ATG2B: variants seen among roughly 807,000 people sequenced by gnomAD.
The protein encoded by ATG2B is autophagy related 2B.
In ATG2B, 121 loss-of-function variants were observed where a neutral mutation model predicts 241.3. The observed-to-expected ratio is 0.50, with a 90% confidence interval of 0.43 to 0.58. The LOEUF is 0.58. ATG2B is among the 20% of genes least tolerant of loss of function. ATG2B has a pLI of 0.00. For missense variants in ATG2B, 2,306 were observed against 2,491.6 expected (o/e 0.93, Z 1.59); for synonymous variants, 858 against 876.6 (o/e 0.98, Z 0.37).
chr14:96,330,172 A>C (rs2139879202), intron 11 of ATG2B, among the ~76,000 whole-genome samples: 1 of 152,058 alleles, frequency 6.6e-6, no homozygotes, highest in African/African-American at 2.4e-5. Flanking sequence ...CAGTATGGTG[A>C]AACCCCATCT....
Position 96,315,217 on chromosome 14 carries a change from T to G in ATG2B, c.3579A>C (p.Val1193=). 6.2e-7 allele frequency: 1 copy of G among 1,614,054 alleles called. No individual in the cohort carries two copies. ...ESNTKEFLIA[V]GLKGATLQHR... Reference sequence around the variant, plus strand: ...GCTGGAGAGTGGCTCCTTTCAGTCCTACGGCAATGAGAAATTCCTATACAG... The same window carrying G: ...GCTGGAGAGTGGCTCCTTTCAGTCCGACGGCAATGAGAAATTCCTATACAG... Residue 1193 remains valine, a synonymous_variant, in exon 23 of 42, where the codon GTA becomes GTC. Transcript: ENST00000359933.
At chr14:96,340,146 TGAATATATATA>T (rs1236295693) in intron 6 of ATG2B, among the ~76,000 whole-genome samples, 1 of 73,914 alleles carries the variant, frequency 1.4e-5, no homozygotes, top group Non-Finnish European at 4.0e-5. Context: ...ATGATATATA[TGAATATATATA>T]TCATATATGA....
chr14:96,317,175 A>G lies in ATG2B; in HGVS notation c.3180T>C (p.His1060=), dbSNP rs1887337514. 6.2e-7 allele frequency: 1 copy of G among 1,612,618 alleles called. No homozygotes were observed. Among genetic ancestry groups the G allele is most frequent in the Admixed American group, 1.7e-5 (1 of 59,890 alleles). ...SFLSVLLNIN[H]GLIAVFTDVK... ...CATCTGTGAACACTGCTATTAATCC[A>G]TGATTAATATTCAGAAGAACTGAGA... Residue 1060 remains histidine, a synonymous_variant, in exon 20 of 42, where the codon CAT becomes CAC. Coordinates refer to ENST00000359933, the MANE Select transcript of ATG2B (RefSeq NM_018036.7).
rs1410333580 is a variant in ATG2B at position 96,285,739 on chromosome 14, T to C, written c.*16A>G. The C allele has an allele frequency of 6.2e-7, 1 of 1,611,582 alleles. No individual in the cohort carries two copies. Among genetic ancestry groups the C allele is most frequent in the Non-Finnish European group, 8.5e-7 (1 of 1,178,452 alleles). On this transcript the variant is annotated 3_prime_UTR_variant, in exon 42 of 42. Transcript: ENST00000359933. This position sits in a 1 kb window ranked among gnomAD's most constrained non-coding sequence, Gnocchi z 4.2. The stretch of plus-strand genomic sequence containing the variant: ...GGTTCCACTCTCCTTATCTTCACAC[T>C]GTCAGTTCCAAGCCATCAGTCATCC...
chr14:96,285,773 C>T lies in ATG2B; in HGVS notation c.6219G>A (p.Trp2073Ter), dbSNP rs1369149603. ...CAAGCCATCAGTCATCCCCGTGGCGCCATTTCTGTGACTCGTCTTGCCGGA... is the reference window on the plus strand; with the variant it reads ...CAAGCCATCAGTCATCCCCGTGGCGTCATTTCTGTGACTCGTCTTGCCGGA... The part of the protein sequence containing the change: ...PDVRQDESQK[W>*]RHGDD Residue 2073 changes from tryptophan (W) to a stop codon, truncating the protein, a stop_gained, in exon 42 of 42, where the codon TGG becomes TGA. Transcript: ENST00000359933. LOFTEE classifies it high-confidence loss of function. This position sits in a 1 kb window ranked among gnomAD's most constrained non-coding sequence, Gnocchi z 4.2. 6.2e-7 allele frequency: 1 copy of T among 1,613,982 alleles called. No individual in the cohort carries two copies. The highest frequency in any genetic ancestry group is 2.2e-5 in the East Asian group (1 of 44,884).
In ATG2B at chr14:96,305,592, TA is replaced by T. The variant is rs757504343; in HGVS notation, c.4729del (p.Tyr1577IlefsTer31). Reference protein sequence around the residue: ...IVPPTSPAKSYISPHSSPSHT... With the variant: ...IVPPTSPAKSXISPHSSPSHT... ...ACTTATATAGAAATTAACTTACATA[TA>T]ACTTTTAGCCGGAGAAGTGGGAGGG... On this transcript the variant is annotated frameshift_variant, in exon 31 of 42. Coordinates refer to ENST00000359933, the MANE Select transcript of ATG2B (RefSeq NM_018036.7). LOFTEE classifies it high-confidence loss of function. The T allele has an allele frequency of 1.2e-6, 2 of 1,602,550 alleles. No homozygotes were observed. The highest frequency in any genetic ancestry group is 1.7e-6 in the Non-Finnish European group (2 of 1,170,966).
At chr14:96,340,385 C>T (rs987765866) in intron 6 of ATG2B, among the ~76,000 whole-genome samples, 13 of 151,476 alleles carry the variant, frequency 8.6e-5, no homozygotes, top group African/African-American at 2.9e-4. Flanking sequence ...ATAATGAAGT[C>T]CTGTCATTTG....
intron 15 of ATG2B, among the ~76,000 whole-genome samples, chr14:96,325,379 G>T (rs1396535478): frequency 6.6e-6 from 1 of 152,112 alleles, no homozygotes; most frequent in Non-Finnish European, 1.5e-5. Context: ...ACGAGAGGTG[G>T]TAATAAAAAT....
chr14:96,341,813 T>G, intron 5 of ATG2B, 112 bp from the exon 6 acceptor site: 1 of 884,664 alleles, frequency 1.1e-6, no homozygotes, highest in South Asian at 2.7e-5. Flanking sequence ...TGTAAAACTG[T>G]ATGATGTTAC....
intron 14 of ATG2B, among the ~76,000 whole-genome samples, chr14:96,326,189 G>A (rs754312304): frequency 6.6e-6 from 1 of 152,032 alleles, no homozygotes; most frequent in African/African-American, 2.4e-5. Context: ...TGAAGACAAA[G>A]GCACTATATA....
intron 41 of ATG2B, among the ~76,000 whole-genome samples, chr14:96,288,043 A>AGAGC (rs1297835770): frequency 6.6e-6 from 1 of 152,098 alleles, no homozygotes; most frequent in Non-Finnish European, 1.5e-5. Flanking sequence ...TAGAGAATCC[A>AGAGC]GAGCAAGTCC....
chr14:96,303,310 AT>A, intron 32 of ATG2B, 55 bp from the exon 33 acceptor site: 1 of 1,352,824 alleles, frequency 7.4e-7, no homozygotes, highest in Non-Finnish European at 9.8e-7. Context: ...CTTTTATTAA[AT>A]TGTATTTTCT....
intron 5 of ATG2B, 63 bp downstream of exon 5, chr14:96,343,056 G>T: frequency 7.7e-7 from 1 of 1,299,080 alleles, no homozygotes; most frequent in South Asian, 1.9e-5. Context: ...AAATTTAATA[G>T]CCCCCATTTA....
Position 96,334,456 on chromosome 14 carries a change from G to A in ATG2B, c.970C>T (p.Pro324Ser), listed in dbSNP as rs758158890. The A allele has an allele frequency of 3.7e-6, 6 of 1,610,890 alleles. No individual in the cohort carries two copies. The highest frequency in any genetic ancestry group is 5.1e-6 in the Non-Finnish European group (6 of 1,178,868). ...TCCAAAAGCAAGTGCACCTGTCTTG[G>A]TGACAGGAGTAGATGAATAGAGTCT... is the stretch of plus-strand genomic sequence containing the variant. ...QIDSIHLLLS[P>S]RQVHLLLDML... is the part of the protein sequence containing the mutation. Residue 324 changes from proline (P) to serine (S), a missense_variant, in exon 7 of 42, where the codon CCA becomes TCA. By Grantham distance (74) the Pro-to-Ser change is moderately conservative. Around this residue, in one of 2 missense-constraint regions of ATG2B, gnomAD observed 1,927 missense variants for 2,011.2 expected, o/e 0.96. Transcript: ENST00000359933.
At chr14:96,316,065 T>C (rs1276521911) in intron 21 of ATG2B, among the ~76,000 whole-genome samples, 1 of 152,180 alleles carries the variant, frequency 6.6e-6, no homozygotes, top group African/African-American at 2.4e-5. Context: ...GCGTGTCAAA[T>C]GAAAGAAGCC....
At chr14:96,356,469 A>G (rs1028395601) in intron 1 of ATG2B, among the ~76,000 whole-genome samples, 2 of 152,096 alleles carry the variant, frequency 1.3e-5, no homozygotes, top group African/African-American at 4.8e-5. Context: ...ATGTGTTAAC[A>G]TATCATAATT....
intron 6 of ATG2B, among the ~76,000 whole-genome samples, chr14:96,337,171 T>C (rs1255979494): frequency 2.0e-5 from 3 of 152,196 alleles, no homozygotes; most frequent in Non-Finnish European, 4.4e-5. Flanking sequence ...TCCGAAAAAC[T>C]GGGACAGGTA....
chr14:96,325,754 C>G lies in ATG2B; in HGVS notation c.2332G>C (p.Glu778Gln), dbSNP rs759492392. Residue 778 changes from glutamate to glutamine, a missense_variant, in exon 15 of 42, where the codon GAG becomes CAG. Transcript: ENST00000359933. ...TCTGTGAAGGCTAAATAAAGGATCT[C>G]CTTCTGAAGTGACTTCTTAAACCAT... Reference protein sequence around the residue: ...GPWFKKSLQKEILYLAFTDLE... With the variant: ...GPWFKKSLQKQILYLAFTDLE... 6.2e-7 allele frequency: 1 copy of G among 1,613,948 alleles called. No homozygotes were observed. Among genetic ancestry groups the G allele is most frequent in the Non-Finnish European group, 8.5e-7 (1 of 1,179,966 alleles).
rs1886217523 is a variant in ATG2B at position 96,282,210 on chromosome 14, C to T, written c.*3545G>A. 1 of 152,138 alleles carries T rather than the reference C, an allele frequency of 6.6e-6. No individual in the cohort carries two copies. Among genetic ancestry groups the T allele is most frequent in the African/African-American group, 2.4e-5 (1 of 41,424 alleles). 9.4% of individuals were successfully genotyped at this position (152,138 alleles called of 1,614,324 possible). ...TATACAAATAACCTTCCTTTTTAAC[C>T]TAAGACTCAAACATTTATATTTGAT... On this transcript the variant is annotated 3_prime_UTR_variant, in exon 42 of 42. Transcript: ENST00000359933.
Sources: allele counts gnomAD v4.1 joint callset (sites outside exome capture counted in the v4.1 genomes callset), GRCh38; gene constraint gnomAD v4.1.1; regional missense constraint gnomAD v4.1.1; non-coding constraint Gnocchi (gnomAD v3.1); transcripts MANE v1.5; gene names NCBI Gene and HGNC (gene_info 2026-07-23, HGNC 2026-07-21).